Variants in CSMD1 observed in about 807,000 individuals in gnomAD.
CSMD1 encodes CUB and Sushi multiple domains 1.
CSMD1 carries 213 observed loss-of-function variants against 417.5 expected under a neutral mutation model. The observed-to-expected ratio is 0.51, with a 90% CI of 0.46 to 0.57. The LOEUF (loss-of-function observed/expected upper bound fraction) is 0.57, where lower values mean the gene tolerates loss of function less well. CSMD1 is among the 20% of genes least tolerant of loss of function. CSMD1 has a pLI of 0.00. For missense variants in CSMD1, 6,923 were observed against 4,529.7 expected, an observed-to-expected ratio of 1.53 and a Z score of -15.17; for synonymous variants, 2,862 against 1,736.8, an observed-to-expected ratio of 1.65 and a Z score of -16.11.
chr8:3,136,129 G>A (rs1005468431), intron 41 of CSMD1, among the ~76,000 whole-genome samples: 4 of 152,020 alleles, frequency 2.6e-5, no homozygotes, highest in Non-Finnish European at 5.9e-5. Flanking sequence ...GCCACTAATT[G>A]ATGGCTCATC....
chr8:3,614,606 T>A (rs1361310792), intron 8 of CSMD1, among the ~76,000 whole-genome samples: 1 of 152,204 alleles, frequency 6.6e-6, no homozygotes, highest in African/African-American at 2.4e-5. Flanking sequence ...ATTTGAAGAA[T>A]TTGATATTCT....
At chr8:3,692,696 G>A (rs903779142) in intron 7 of CSMD1, among the ~76,000 whole-genome samples, 2 of 152,156 alleles carry the variant, frequency 1.3e-5, no homozygotes, top group African/African-American at 4.8e-5. Flanking sequence ...GCCTCCAGAA[G>A]TGCTGGGATT....
At chr8:2,961,117 C>A in intron 62 of CSMD1, 24 bp downstream of exon 62, 2 of 1,437,106 alleles carry the variant, frequency 1.4e-6, no homozygotes, top group Non-Finnish European at 1.9e-6. Flanking sequence ...AGAAAGAAAA[C>A]ATAGTAAATT....
intron 50 of CSMD1, among the ~76,000 whole-genome samples, chr8:3,030,885 T>G (rs1020087186): frequency 6.6e-6 from 1 of 152,052 alleles, no homozygotes; most frequent in Non-Finnish European, 1.5e-5. Context: ...CCAAGTACTA[T>G]ATAAAAATAT....
At chr8:3,194,434 T>C (rs550802362) in intron 33 of CSMD1, among the ~76,000 whole-genome samples, 11 of 142,348 alleles carry the variant, frequency 7.7e-5, no homozygotes, top group Non-Finnish European at 1.5e-4. Flanking sequence ...TATTTTATTT[T>C]ATTTTATTTT....
intron 25 of CSMD1, among the ~76,000 whole-genome samples, chr8:3,306,687 T>G (rs1355736265): frequency 6.6e-6 from 1 of 152,114 alleles, no homozygotes; most frequent in Non-Finnish European, 1.5e-5. Flanking sequence ...GAAGGAAAAA[T>G]ACATTTTAAA....
intron 49 of CSMD1, among the ~76,000 whole-genome samples, chr8:3,054,169 G>C (rs112532105): frequency 3.7e-4 from 57 of 152,274 alleles, no homozygotes; most frequent in African/African-American, 1.4e-3. Flanking sequence ...TGCTGTATTG[G>C]TTCTTTCTTC....
At position 4,919,670 on chromosome 8, in the gene CSMD1, A is replaced by C. The variant is rs577735048; in HGVS notation, c.85+74662T>G. On this transcript the variant is annotated intron_variant, in intron 1 of 69. Transcript: ENST00000635120. ...ACTCCAGTACATTGTACTACTAATT[A>C]ACATAGGAGGTGTGAATCTGTCCCC... is the stretch of plus-strand genomic sequence containing the variant. Among the ~76,000 whole-genome samples, 5 of 152,330 alleles carry C rather than the reference A, an allele frequency of 3.3e-5. No individual in the cohort carries two copies. In the East Asian group the frequency reaches 9.6e-4, roughly 29 times the overall value.
At chr8:3,202,768 G>C (rs1367774021) in intron 31 of CSMD1, among the ~76,000 whole-genome samples, 1 of 152,168 alleles carries the variant, frequency 6.6e-6, no homozygotes, top group East Asian at 1.9e-4. Flanking sequence ...GTGCCCATGT[G>C]TGTATAGACA....
At chr8:3,280,060 A>C (rs1036479314) in intron 26 of CSMD1, among the ~76,000 whole-genome samples, 1 of 149,714 alleles carries the variant, frequency 6.7e-6, no homozygotes, top group Non-Finnish European at 1.5e-5. Flanking sequence ...ATCTTGGGGC[A>C]CATCGGCCCC....
intron 1 of CSMD1, among the ~76,000 whole-genome samples, chr8:4,936,127 C>G (rs1047911436): frequency 6.6e-6 from 1 of 152,160 alleles, no homozygotes; most frequent in Non-Finnish European, 1.5e-5. Context: ...TGGTTTCTGT[C>G]CTGTTCCACA....
chr8:3,813,466 G>T (rs985297), intron 5 of CSMD1, among the ~76,000 whole-genome samples: 1 of 152,078 alleles, frequency 6.6e-6, no homozygotes, highest in East Asian at 1.9e-4. Flanking sequence ...ATTTAGTAAT[G>T]TCGTATCTTT....
At chr8:4,562,639 G>C (rs571766121) in intron 2 of CSMD1, among the ~76,000 whole-genome samples, 4 of 152,084 alleles carry the variant, frequency 2.6e-5, no homozygotes, top group African/African-American at 4.8e-5. Flanking sequence ...CATCAGAAAT[G>C]TCAGATTCTA....
At chr8:3,846,631 C>T (rs1028469634) in intron 5 of CSMD1, among the ~76,000 whole-genome samples, 1 of 152,070 alleles carries the variant, frequency 6.6e-6, no homozygotes, top group African/African-American at 2.4e-5. Context: ...ATTAACTCAC[C>T]TTATTTCTTT....
intron 3 of CSMD1, among the ~76,000 whole-genome samples, chr8:4,188,151 C>A (rs563224475): frequency 6.6e-6 from 1 of 152,020 alleles, no homozygotes; most frequent in African/African-American, 2.4e-5. Flanking sequence ...CACATCCTAA[C>A]GTATTTAAAT....
intron 10 of CSMD1, among the ~76,000 whole-genome samples, chr8:3,563,932 T>G (rs547608047): frequency 6.6e-6 from 1 of 152,148 alleles, no homozygotes; most frequent in East Asian, 1.9e-4. Context: ...TTTTTAAACC[T>G]ATTTTTCATG....
At chr8:3,941,026 A>C (rs888470956) in intron 5 of CSMD1, among the ~76,000 whole-genome samples, 2 of 152,038 alleles carry the variant, frequency 1.3e-5, no homozygotes, top group African/African-American at 4.8e-5. Context: ...TCCATGCTAC[A>C]TGTGATAATT....
chr8:3,576,216 G>C (rs983579085), intron 9 of CSMD1, among the ~76,000 whole-genome samples: 8 of 151,842 alleles, frequency 5.3e-5, no homozygotes, highest in African/African-American at 1.9e-4. Context: ...ACTGAACGCA[G>C]GTTTTCCAAA....
chr8:3,349,023 G>A (rs901068701), intron 21 of CSMD1, among the ~76,000 whole-genome samples: 38 of 152,158 alleles, frequency 2.5e-4, no homozygotes, highest in African/African-American at 8.9e-4. Flanking sequence ...TGTGCCAAGA[G>A]AGCTCCACAG....
Sources: allele counts gnomAD v4.1 joint callset (sites outside exome capture counted in the v4.1 genomes callset), GRCh38; gene constraint gnomAD v4.1.1; transcripts MANE v1.5; gene names NCBI Gene and HGNC (gene_info 2026-07-23, HGNC 2026-07-21).